DLGAP2: variants seen among roughly 807,000 people sequenced by gnomAD.
The protein encoded by DLGAP2 is disks large-associated protein 2.
Under a neutral mutation model 100.3 loss-of-function variants are expected in DLGAP2, and 26 were observed. The ratio of observed to expected loss-of-function variants is 0.26; its 90% CI spans 0.19 to 0.36. The LOEUF (loss-of-function observed/expected upper bound fraction) is 0.36. Among genes scored for constraint, DLGAP2 ranks in the 10% least tolerant of loss-of-function variants. The probability of loss-of-function intolerance (pLI) is 1.00; values close to 1 mark genes in which losing one functional copy is unlikely to be tolerated. For missense variants in DLGAP2, 1,858 were observed against 1,453.2 expected (o/e 1.28, Z -4.53); for synonymous variants, 886 against 630.1 (o/e 1.41, Z -6.08).
intron 2 of DLGAP2, among the ~76,000 whole-genome samples, chr8:951,606 G>A (rs1036511996): frequency 2.0e-5 from 3 of 152,156 alleles, no homozygotes; most frequent in South Asian, 2.1e-4. Context: ...TAATTATTGC[G>A]TTCATGAAGC....
At chr8:1,335,045 G>T (rs1801243659) in intron 3 of DLGAP2, among the ~76,000 whole-genome samples, 1 of 152,182 alleles carries the variant, frequency 6.6e-6, no homozygotes. Context: ...TTGCTGCATT[G>T]TCTAGAAATT....
At chr8:1,240,010 G>A (rs545112417) in intron 2 of DLGAP2, among the ~76,000 whole-genome samples, 121 of 146,224 alleles carry the variant, frequency 8.3e-4, no homozygotes, top group African/African-American at 2.9e-3. Flanking sequence ...AGAGCATCGT[G>A]TCTAGTTCTC....
In DLGAP2 at chr8:1,626,871, C is replaced by T; in HGVS notation, c.1574C>T (p.Ala525Val). 6.2e-7 allele frequency: 1 copy of T among 1,603,634 alleles called. No homozygotes were observed. Among genetic ancestry groups the T allele is most frequent in the Non-Finnish European group, 8.5e-7 (1 of 1,175,348 alleles). ...AGGGCCGTCAGCACCCTGAGCCAGG[C>T]CAGCTGCGTGAGCCAGGTCAGGGTC... Reference protein sequence around the residue: ...YMRAVSTLSQASCVSQVSEAE... With the variant: ...YMRAVSTLSQVSCVSQVSEAE... The change falls in exon 7 of 15, where the codon GCC (alanine) becomes GTC (valine). Residue 525 changes from alanine (A) to valine (V), a missense_variant. By Grantham distance (64) the Ala-to-Val change is moderately conservative. Coordinates refer to ENST00000637795, the MANE Select transcript of DLGAP2 (RefSeq NM_001346810.2).
intron 1 of DLGAP2, among the ~76,000 whole-genome samples, chr8:873,679 T>A (rs1797639809): frequency 6.6e-6 from 1 of 152,222 alleles, no homozygotes; most frequent in Admixed American, 6.5e-5. Flanking sequence ...AGAGTAATAT[T>A]GGCCTGATAA....
chr8:1,245,845 G>A (rs1407530208), intron 2 of DLGAP2, among the ~76,000 whole-genome samples: 2 of 152,210 alleles, frequency 1.3e-5, no homozygotes, highest in South Asian at 2.1e-4. Context: ...TGGCACACAT[G>A]GAGACCCCGA....
chr8:803,097 C>G (rs1311548414), intron 1 of DLGAP2, among the ~76,000 whole-genome samples: 2 of 152,198 alleles, frequency 1.3e-5, no homozygotes, highest in African/African-American at 4.8e-5. Context: ...GTGGCGGCTT[C>G]TGGGCTCCGT....
At chr8:1,556,481 C>G (rs1021056837) in intron 5 of DLGAP2, among the ~76,000 whole-genome samples, 2 of 152,182 alleles carry the variant, frequency 1.3e-5, no homozygotes, top group Non-Finnish European at 2.9e-5. Context: ...TTCTTTCCCT[C>G]CTAGGGCAGT....
At chr8:1,451,817 G>A (rs1445875889) in intron 3 of DLGAP2, among the ~76,000 whole-genome samples, 1 of 152,144 alleles carries the variant, frequency 6.6e-6, no homozygotes, top group Non-Finnish European at 1.5e-5. Context: ...TATCCCACTA[G>A]GTAGCTGGCC....
intron 2 of DLGAP2, among the ~76,000 whole-genome samples, chr8:1,061,206 G>T (rs932314376): frequency 6.6e-6 from 1 of 152,092 alleles, no homozygotes; most frequent in Admixed American, 6.5e-5. Context: ...TGGAATCGTC[G>T]CCCATCCCTC....
chr8:781,440 A>T (rs996650954), intron 1 of DLGAP2, among the ~76,000 whole-genome samples: 1 of 152,018 alleles, frequency 6.6e-6, no homozygotes, highest in Non-Finnish European at 1.5e-5. Context: ...TTGCTATTTT[A>T]ATTGCTTAAA....
intron 1 of DLGAP2, among the ~76,000 whole-genome samples, chr8:815,511 A>T (rs1019705543): frequency 6.6e-6 from 1 of 152,252 alleles, no homozygotes; most frequent in African/African-American, 2.4e-5. Context: ...GATACGTTGT[A>T]TCACCTGCTA....
chr8:1,696,853 C>T (rs1263119687), intron 13 of DLGAP2, among the ~76,000 whole-genome samples: 1 of 152,240 alleles, frequency 6.6e-6, no homozygotes, highest in Non-Finnish European at 1.5e-5. Flanking sequence ...CAGGCTCCTA[C>T]TGCTTTTATG....
chr8:1,417,389 G>A (rs1329401370), intron 3 of DLGAP2, among the ~76,000 whole-genome samples: 1 of 152,204 alleles, frequency 6.6e-6, no homozygotes, highest in East Asian at 1.9e-4. Context: ...CTTTTATCCT[G>A]ATCAGGACAC....
At chr8:888,325 C>T (rs575414253) in intron 1 of DLGAP2, among the ~76,000 whole-genome samples, 1 of 152,200 alleles carries the variant, frequency 6.6e-6, no homozygotes, top group Non-Finnish European at 1.5e-5. Context: ...TGGGTTAGAA[C>T]ATGCTCCTTT....
At chr8:817,164 GTTATC>G (rs1334466693) in intron 1 of DLGAP2, among the ~76,000 whole-genome samples, 3 of 148,510 alleles carry the variant, frequency 2.0e-5, no homozygotes, top group African/African-American at 7.4e-5. Flanking sequence ...AAAAAAGAAA[GTTATC>G]TTTTCTTTGT....
At chr8:1,363,446 C>T (rs543696257) in intron 3 of DLGAP2, among the ~76,000 whole-genome samples, 35 of 152,324 alleles carry the variant, frequency 2.3e-4, no homozygotes, top group Admixed American at 1.3e-3. Flanking sequence ...GTAAGCCCTC[C>T]GTCCCCCACA....
chr8:931,188 G>A (rs1296908740), intron 2 of DLGAP2, among the ~76,000 whole-genome samples: 1 of 152,198 alleles, frequency 6.6e-6, no homozygotes, highest in Non-Finnish European at 1.5e-5. Context: ...TCTTGCTCCT[G>A]GATCTTGGTC....
At chr8:1,500,238 C>T (rs927413357) in intron 3 of DLGAP2, among the ~76,000 whole-genome samples, 26 of 152,266 alleles carry the variant, frequency 1.7e-4, no homozygotes, top group African/African-American at 5.8e-4. Context: ...CTGCCCCCCT[C>T]CTCAGGCCAC....
At chr8:1,311,702 A>T (rs371695848) in intron 3 of DLGAP2, among the ~76,000 whole-genome samples, 2 of 125,062 alleles carry the variant, frequency 1.6e-5, no homozygotes, top group African/African-American at 6.2e-5. Context: ...ACTGTTCATG[A>T]TAAAAAAAAA....
Sources: gnomAD v4.1 joint callset for allele counts (sites outside exome capture counted in the v4.1 genomes callset) on GRCh38, gnomAD v4.1.1 for gene constraint, MANE v1.5 for transcripts, NCBI Gene and HGNC (gene_info 2026-07-23, HGNC 2026-07-21) for gene names.